The following ANKS1B variants were observed in gnomAD, a reference collection of about 807,000 sequenced individuals.
The protein encoded by ANKS1B is ankyrin repeat and sterile alpha motif domain-containing protein 1B.
Under a neutral mutation model 148.3 loss-of-function variants are expected in ANKS1B, and 36 were observed. The observed-to-expected ratio is 0.24, with a 90% CI of 0.19 to 0.32. The LOEUF is 0.32. ANKS1B is among the 10% of genes least tolerant of loss of function. ANKS1B has a pLI of 1.00. For missense variants in ANKS1B, 1,157 were observed against 1,542.6 expected, an observed-to-expected ratio of 0.75 and a Z score of 4.19; for synonymous variants, 542 against 560.8, an observed-to-expected ratio of 0.97 and a Z score of 0.47.
intron 12 of ANKS1B, among the ~76,000 whole-genome samples, chr12:99,381,018 C>A (rs2093624043): frequency 6.6e-6 from 1 of 152,126 alleles, no homozygotes; most frequent in African/African-American, 2.4e-5. Flanking sequence ...AGAAGAAGGC[C>A]ATGAGAAAAC....
At chr12:99,741,716 AG>A (rs1051361100) in intron 8 of ANKS1B, among the ~76,000 whole-genome samples, 20 of 152,132 alleles carry the variant, frequency 1.3e-4, no homozygotes, top group African/African-American at 4.8e-4. Flanking sequence ...GGACACAGGG[AG>A]GGGAACATCA....
At chr12:99,096,566 T>C (rs2056207001) in intron 15 of ANKS1B, among the ~76,000 whole-genome samples, 1 of 152,050 alleles carries the variant, frequency 6.6e-6, no homozygotes, top group Non-Finnish European at 1.5e-5. Flanking sequence ...TAAGAAGAGC[T>C]CTTTGAACTG....
At chr12:98,836,602 G>A (rs2099364759) in intron 17 of ANKS1B, among the ~76,000 whole-genome samples, 1 of 152,184 alleles carries the variant, frequency 6.6e-6, no homozygotes, top group Admixed American at 6.6e-5. Context: ...GTCTTTGCAA[G>A]CAGATGGGGT....
At chr12:99,910,092 G>T (rs2093946325) in intron 1 of ANKS1B, among the ~76,000 whole-genome samples, 1 of 152,064 alleles carries the variant, frequency 6.6e-6, no homozygotes, top group African/African-American at 2.4e-5. Flanking sequence ...GGAATAAAGG[G>T]CCAGACGTGG....
At chr12:99,741,277 G>A (rs1463963093) in intron 8 of ANKS1B, among the ~76,000 whole-genome samples, 1 of 151,266 alleles carries the variant, frequency 6.6e-6, no homozygotes, top group African/African-American at 2.4e-5. Context: ...AGAGGATATG[G>A]AGAAATAGGA....
At chr12:99,743,204 A>C (rs756421657) in intron 8 of ANKS1B, among the ~76,000 whole-genome samples, 3 of 152,198 alleles carry the variant, frequency 2.0e-5, no homozygotes, top group Non-Finnish European at 2.9e-5. Flanking sequence ...TATTATTGTA[A>C]GCCTACAGAT....
At chr12:99,214,087 T>C (rs913089064) in intron 14 of ANKS1B, among the ~76,000 whole-genome samples, 31 of 151,784 alleles carry the variant, frequency 2.0e-4, no homozygotes, top group African/African-American at 7.3e-4. Flanking sequence ...ACATTACTTA[T>C]TTTTTTATGT....
chr12:99,232,349 T>A (rs2087010755), intron 14 of ANKS1B, among the ~76,000 whole-genome samples: 2 of 152,210 alleles, frequency 1.3e-5, no homozygotes, highest in Non-Finnish European at 2.9e-5. Context: ...TTTATACGAA[T>A]GCACTTGAGA....
intron 8 of ANKS1B, among the ~76,000 whole-genome samples, chr12:99,742,026 T>G (rs1272856591): frequency 4.6e-5 from 7 of 152,058 alleles, no homozygotes; most frequent in African/African-American, 1.7e-4. Flanking sequence ...CCATATGTTC[T>G]CACTTATAAG....
intron 3 of ANKS1B, among the ~76,000 whole-genome samples, chr12:99,807,722 G>A (rs2067817704): frequency 6.6e-6 from 1 of 152,022 alleles, no homozygotes; most frequent in African/African-American, 2.4e-5. Flanking sequence ...AGAAAACTGA[G>A]GCACTGAATA....
intron 1 of ANKS1B, among the ~76,000 whole-genome samples, chr12:99,882,605 G>A (rs2092585207): frequency 1.3e-5 from 2 of 152,140 alleles, no homozygotes; most frequent in South Asian, 2.1e-4. Flanking sequence ...AGGAAACAAA[G>A]GCATAAGAGT....
chr12:99,819,197 T>C (rs2082216324), intron 2 of ANKS1B, among the ~76,000 whole-genome samples: 1 of 151,928 alleles, frequency 6.6e-6, no homozygotes, highest in Admixed American at 6.6e-5. Context: ...TTCAAGATGG[T>C]CAAAAGATTT....
intron 17 of ANKS1B, among the ~76,000 whole-genome samples, chr12:99,034,061 GGCAGCCAATTA>G (rs1348101223): frequency 6.6e-6 from 1 of 152,222 alleles, no homozygotes; most frequent in Non-Finnish European, 1.5e-5. Flanking sequence ...GAGAGGATCT[GGCAGCCAATTA>G]GCAGCGCTTG....
chr12:99,672,614 G>A (rs894490236), intron 8 of ANKS1B, among the ~76,000 whole-genome samples: 6 of 152,106 alleles, frequency 3.9e-5, no homozygotes, highest in African/African-American at 1.4e-4. Context: ...CTGAGTTCCT[G>A]TGATGTTGGT....
At chr12:99,085,114 A>T (rs1320281716) in intron 15 of ANKS1B, 91 bp from the exon 16 acceptor site, 3 of 979,098 alleles carry the variant, frequency 3.1e-6, no homozygotes, top group Non-Finnish European at 4.7e-6. Flanking sequence ...AAAACCAGTG[A>T]GTGACCTGAT....
At chr12:99,892,588 T>C (rs988897871) in intron 1 of ANKS1B, among the ~76,000 whole-genome samples, 2 of 152,160 alleles carry the variant, frequency 1.3e-5, no homozygotes, top group East Asian at 3.9e-4. Context: ...GGTTTAGGAA[T>C]AGGTGGCATC....
chr12:99,316,761 T>C (rs550992349), intron 12 of ANKS1B, among the ~76,000 whole-genome samples: 1 of 152,328 alleles, frequency 6.6e-6, no homozygotes, highest in East Asian at 1.9e-4. Context: ...ATGGCCTGAA[T>C]GGTATTGCCT....
chr12:99,690,383 T>C (rs1421789877), intron 8 of ANKS1B, among the ~76,000 whole-genome samples: 25 of 152,164 alleles, frequency 1.6e-4, no homozygotes, highest in Admixed American at 1.6e-3. Flanking sequence ...TTAACTCATT[T>C]CAGCACTAAT....
intron 9 of ANKS1B, among the ~76,000 whole-genome samples, chr12:99,592,283 A>G (rs1452983402): frequency 1.3e-5 from 2 of 152,148 alleles, no homozygotes; most frequent in African/African-American, 2.4e-5. Flanking sequence ...GTTAATATGA[A>G]ATGCATTCAC....
Sources: allele counts gnomAD v4.1 joint callset (sites outside exome capture counted in the v4.1 genomes callset), GRCh38; gene constraint gnomAD v4.1.1; transcripts MANE v1.5; gene names NCBI Gene and HGNC (gene_info 2026-07-23, HGNC 2026-07-21).